ASAP2: variants seen among roughly 807,000 people sequenced by gnomAD.
The protein encoded by ASAP2 is ArfGAP with SH3 domain, ankyrin repeat and PH domain 2.
Under a neutral mutation model 131.4 loss-of-function variants are expected in ASAP2, and 45 were observed. The observed-to-expected ratio is 0.34, with a 90% CI of 0.27 to 0.44. ASAP2 has a LOEUF of 0.44. ASAP2 is among the 20% of genes least tolerant of loss of function. The pLI is 1.00. For synonymous variants in ASAP2, 510 were observed against 503.0 expected, an observed-to-expected ratio of 1.01 and a Z score of -0.19; for missense variants, 1,011 against 1,297.0, an observed-to-expected ratio of 0.78 and a Z score of 3.39.
intron 23 of ASAP2, among the ~76,000 whole-genome samples, chr2:9,393,275 T>C (rs147161168): frequency 1.3e-5 from 2 of 152,350 alleles, no homozygotes; most frequent in African/African-American, 4.8e-5. Flanking sequence ...AACTTTAGGC[T>C]CCCAGCTTCC....
chr2:9,356,481 A>G, intron 14 of ASAP2, 136 bp downstream of exon 14: 2 of 1,060,134 alleles, frequency 1.9e-6, no homozygotes, highest in Non-Finnish European at 2.6e-6. Context: ...TCATCCCATT[A>G]CACAAATGCT....
chr2:9,367,348 T>TAG (rs1477754185), intron 15 of ASAP2, among the ~76,000 whole-genome samples: 1 of 151,952 alleles, frequency 6.6e-6, no homozygotes. Flanking sequence ...GCATAATCAA[T>TAG]AGAGAGCAGA....
chr2:9,332,380 G>A (rs2148551373), intron 7 of ASAP2, among the ~76,000 whole-genome samples: 1 of 152,336 alleles, frequency 6.6e-6, no homozygotes, highest in East Asian at 1.9e-4. Flanking sequence ...CACACCTCAA[G>A]GAGGGTACGG....
At chr2:9,379,207 AAG>A in intron 19 of ASAP2, 148 bp downstream of exon 19, 1 of 470,288 alleles carries the variant, frequency 2.1e-6, no homozygotes, top group Non-Finnish European at 3.7e-6. Flanking sequence ...GCTAATGAGA[AAG>A]AGCCTCTCCC....
At chr2:9,237,672 G>A (rs1309799684) in intron 1 of ASAP2, among the ~76,000 whole-genome samples, 4 of 151,894 alleles carry the variant, frequency 2.6e-5, no homozygotes, top group Non-Finnish European at 4.4e-5. Context: ...CTCCTGCCTC[G>A]GCCCCTCAAA....
intron 1 of ASAP2, among the ~76,000 whole-genome samples, chr2:9,213,868 A>G (rs758811686): frequency 3.9e-5 from 6 of 152,194 alleles, no homozygotes; most frequent in Non-Finnish European, 8.8e-5. Flanking sequence ...GTGCTGCTTG[A>G]TGTGACTGGT....
chr2:9,307,938 G>A (rs934491995), intron 3 of ASAP2, among the ~76,000 whole-genome samples: 4 of 152,098 alleles, frequency 2.6e-5, no homozygotes, highest in African/African-American at 4.8e-5. Flanking sequence ...GTGTGCATAC[G>A]TGTGCTTGTC....
At position 9,316,846 on chromosome 2, in the gene ASAP2, G is replaced by T. The variant is rs547975066; in HGVS notation, c.346-1678G>T. 2.0e-5 allele frequency among the ~76,000 whole-genome samples: 3 copies of T among 152,084 alleles called. No individual in the cohort carries two copies. The East Asian group carries it at 5.8e-4, about 29-fold the overall frequency. On this transcript the variant is annotated intron_variant, in intron 3 of 27. Coordinates refer to ENST00000281419, the MANE Select transcript of ASAP2 (RefSeq NM_003887.3). ...TCCTGCCTTCTTGCTTCAGGGAGAA[G>T]AATGGGGGCACCAAGGCTCTTGCCC...
chr2:9,381,071 G>T (rs1217129994), intron 20 of ASAP2, among the ~76,000 whole-genome samples: 1 of 152,238 alleles, frequency 6.6e-6, no homozygotes, highest in African/African-American at 2.4e-5. Context: ...CATCACTGCT[G>T]TGGTGGGACA....
chr2:9,286,151 C>CT (rs1667446619), intron 2 of ASAP2, among the ~76,000 whole-genome samples: 2 of 152,110 alleles, frequency 1.3e-5, no homozygotes, highest in Admixed American at 1.3e-4. Flanking sequence ...AATCCTAGCA[C>CT]TTTGGGAGGC....
chr2:9,229,665 G>A (rs1463639942), intron 1 of ASAP2, among the ~76,000 whole-genome samples: 1 of 152,216 alleles, frequency 6.6e-6, no homozygotes, highest in African/African-American at 2.4e-5. Flanking sequence ...CGTTAGGCAC[G>A]GGGCTGGGCA....
At chr2:9,243,937 A>G (rs1380446241) in intron 1 of ASAP2, among the ~76,000 whole-genome samples, 2 of 152,164 alleles carry the variant, frequency 1.3e-5, no homozygotes, top group Non-Finnish European at 2.9e-5. Context: ...TTTTTATGAA[A>G]TATGTATATG....
At chr2:9,352,395 G>A (rs1249350837) in intron 12 of ASAP2, among the ~76,000 whole-genome samples, 1 of 152,214 alleles carries the variant, frequency 6.6e-6, no homozygotes, top group Non-Finnish European at 1.5e-5. Flanking sequence ...TTCTGAACTA[G>A]TAACACACAA....
intron 15 of ASAP2, among the ~76,000 whole-genome samples, chr2:9,361,989 G>GTGTGTGTA (rs1334368666): frequency 2.6e-5 from 4 of 151,552 alleles, no homozygotes; most frequent in Admixed American, 1.3e-4. Flanking sequence ...GTGTGTGTGT[G>GTGTGTGTA]TGTGTGTGTG....
Position 9,388,519 on chromosome 2 carries a change from C to G in ASAP2, c.2356C>G (p.Pro786Ala). 2.5e-6 allele frequency: 4 copies of G among 1,613,462 alleles called. No individual in the cohort carries two copies. Among genetic ancestry groups the G allele is most frequent in the Non-Finnish European group, 3.4e-6 (4 of 1,179,772 alleles). Residue 786 changes from proline to alanine, a missense_variant, in exon 22 of 28, where the codon CCG becomes GCG. Pro to Ala is a conservative substitution (Grantham distance 27). Coordinates refer to ENST00000281419, the MANE Select transcript of ASAP2 (RefSeq NM_003887.3). ...PAAPSTTSAPPLPPRNVGKVQ... is the reference protein window; with the variant it reads ...PAAPSTTSAPALPPRNVGKVQ... ...AGCCCCCAGCACCACCAGCGCCCCC[C>G]CGCTTCCTCCACGGAATGTTGGCAA...
At chr2:9,377,948 A>G (rs1220104603) in intron 18 of ASAP2, among the ~76,000 whole-genome samples, 7 of 152,066 alleles carry the variant, frequency 4.6e-5, no homozygotes, top group Non-Finnish European at 8.8e-5. Flanking sequence ...GGGGTTTCGT[A>G]AACATTTGGT....
Position 9,284,984 on chromosome 2 carries a change from T to TA in ASAP2, c.199+5596dup, listed in dbSNP as rs530425967. Among the ~76,000 whole-genome samples the TA allele has an allele frequency of 1.1e-4, 16 of 152,322 alleles. No homozygotes were observed. In the East Asian group the frequency reaches 3.1e-3, roughly 29 times the overall value. On this transcript the variant is annotated intron_variant, in intron 2 of 27. Coordinates refer to ENST00000281419, the MANE Select transcript of ASAP2 (RefSeq NM_003887.3). ...AGCCTGAAAGCTAAGAATGGTTTCT[T>TA]ACCATCGTTACCTGCACAATAACCT...
At chr2:9,305,786 A>C (rs1316377574) in intron 3 of ASAP2, among the ~76,000 whole-genome samples, 5 of 140,688 alleles carry the variant, frequency 3.6e-5, no homozygotes, top group African/African-American at 1.4e-4. Flanking sequence ...TGAGGTATAG[A>C]TATTGGAGGG....
intron 1 of ASAP2, among the ~76,000 whole-genome samples, chr2:9,247,275 T>G (rs1305811784): frequency 1.3e-5 from 2 of 152,208 alleles, no homozygotes; most frequent in African/African-American, 4.8e-5. Context: ...GATGAACTCT[T>G]CGCTCCTCAA....
Sources: gnomAD v4.1 joint callset for allele counts (sites outside exome capture counted in the v4.1 genomes callset) on GRCh38, gnomAD v4.1.1 for gene constraint, MANE v1.5 for transcripts, NCBI Gene and HGNC (gene_info 2026-07-23, HGNC 2026-07-21) for gene names.